GPC5: variants seen among roughly 807,000 people sequenced by gnomAD.
GPC5 encodes the protein glypican-5.
GPC5 carries 47 observed loss-of-function variants against 53.9 expected under a neutral mutation model. That is an observed-to-expected ratio of 0.87 (90% confidence interval 0.69 to 1.11). GPC5 has a LOEUF of 1.11. Ranked by LOEUF, GPC5 falls within the 50% of genes most tolerant of loss-of-function variation. The pLI, the probability that GPC5 is intolerant of heterozygous loss-of-function variation, is 0.00. For synonymous variants in GPC5, 286 were observed against 263.3 expected, an observed-to-expected ratio of 1.09 and a Z score of -0.84; for missense variants, 748 against 713.1, an observed-to-expected ratio of 1.05 and a Z score of -0.56.
intron 1 of GPC5, among the ~76,000 whole-genome samples, chr13:91,422,382 T>C (rs1878698349): frequency 6.6e-6 from 1 of 152,160 alleles, no homozygotes; most frequent in Non-Finnish European, 1.5e-5. Flanking sequence ...ATGCCTGTAA[T>C]ACCAGTGCTT....
chr13:91,422,988 TA>T (rs1878751450), intron 1 of GPC5, among the ~76,000 whole-genome samples: 1 of 152,164 alleles, frequency 6.6e-6, no homozygotes, highest in Non-Finnish European at 1.5e-5. Context: ...ATTCAAACTA[TA>T]GCAGAAAAGC....
chr13:92,277,896 T>C (rs188841934), intron 7 of GPC5, among the ~76,000 whole-genome samples: 36 of 152,052 alleles, frequency 2.4e-4, no homozygotes, highest in African/African-American at 8.4e-4. Flanking sequence ...ATTTAGATAC[T>C]AGAAAAATAT....
intron 7 of GPC5, among the ~76,000 whole-genome samples, chr13:92,456,237 T>C (rs1272206672): frequency 6.6e-6 from 1 of 152,164 alleles, no homozygotes; most frequent in Non-Finnish European, 1.5e-5. Flanking sequence ...CTAAGGAACA[T>C]TGCCTAAAGG....
At chr13:91,498,907 G>A (rs1451556756) in intron 2 of GPC5, among the ~76,000 whole-genome samples, 1 of 151,964 alleles carries the variant, frequency 6.6e-6, no homozygotes, top group Non-Finnish European at 1.5e-5. Flanking sequence ...GGAGGCAGAG[G>A]TTGCAGTGAG....
At chr13:91,872,692 A>G (rs571355137) in intron 5 of GPC5, among the ~76,000 whole-genome samples, 259 of 152,306 alleles carry the variant, frequency 1.7e-3, no homozygotes, top group African/African-American at 6.0e-3. Flanking sequence ...CATATATAGT[A>G]TAACTTACCT....
intron 7 of GPC5, among the ~76,000 whole-genome samples, chr13:92,439,544 A>C (rs1025133653): frequency 6.6e-6 from 1 of 152,178 alleles, no homozygotes; most frequent in African/African-American, 2.4e-5. Context: ...TTGACAATAG[A>C]AGGGAATTTG....
At chr13:92,588,223 G>A (rs914330668) in intron 7 of GPC5, among the ~76,000 whole-genome samples, 6 of 152,256 alleles carry the variant, frequency 3.9e-5, no homozygotes, top group African/African-American at 1.2e-4. Flanking sequence ...ATGGTTTCCA[G>A]CTTCATCCAT....
At chr13:92,276,998 T>C (rs1566515158) in intron 7 of GPC5, among the ~76,000 whole-genome samples, 1 of 151,840 alleles carries the variant, frequency 6.6e-6, no homozygotes, top group Admixed American at 6.6e-5. Context: ...CTCTCTCTCT[T>C]TTTTTTTCTT....
intron 1 of GPC5, among the ~76,000 whole-genome samples, chr13:91,422,921 C>T (rs1279489297): frequency 6.6e-6 from 1 of 152,174 alleles, no homozygotes; most frequent in East Asian, 1.9e-4. Flanking sequence ...TTAAAGGCCT[C>T]ATGTCTTAAT....
chr13:92,198,583 A>T (rs2042273136), intron 7 of GPC5, among the ~76,000 whole-genome samples: 1 of 152,210 alleles, frequency 6.6e-6, no homozygotes, highest in Non-Finnish European at 1.5e-5. Context: ...GCAGACTGGC[A>T]GTGAGTAAAG....
chr13:91,923,338 A>T (rs903023950), intron 6 of GPC5, among the ~76,000 whole-genome samples: 1 of 152,160 alleles, frequency 6.6e-6, no homozygotes, highest in Non-Finnish European at 1.5e-5. Flanking sequence ...CAATTCCTGG[A>T]TATATTTCTT....
intron 7 of GPC5, among the ~76,000 whole-genome samples, chr13:92,685,396 G>A (rs1219249914): frequency 6.6e-6 from 1 of 151,848 alleles, no homozygotes; most frequent in Non-Finnish European, 1.5e-5. Context: ...TAGCCAGCCA[G>A]ATCTAATATT....
At chr13:91,399,469 A>T (rs1214153567) in intron 1 of GPC5, among the ~76,000 whole-genome samples, 2 of 152,152 alleles carry the variant, frequency 1.3e-5, no homozygotes, top group East Asian at 3.9e-4. Flanking sequence ...TTCGTCTTGG[A>T]GGATGAGTTG....
chr13:91,745,693 TG>T (rs1166882024), intron 4 of GPC5, among the ~76,000 whole-genome samples: 3 of 152,068 alleles, frequency 2.0e-5, no homozygotes, highest in Non-Finnish European at 4.4e-5. Context: ...TGAGTTCAGG[TG>T]GGGTTCAGAG....
rs147618165 is a variant in GPC5 at position 92,607,982 on chromosome 13, C to A, written c.1562-258300C>A. Among the ~76,000 whole-genome samples the A allele has an allele frequency of 5.8e-4, 88 of 152,282 alleles. No individual in the cohort carries two copies. In the East Asian group the frequency reaches 0.016, roughly 27 times the overall value. The stretch of plus-strand genomic sequence containing the variant: ...GAAGACCTTTATAACTATCTACTTC[C>A]ACTTAATGAATAGTAAATATATTTC... On this transcript the variant is annotated intron_variant, in intron 7 of 7. Coordinates refer to ENST00000377067, the MANE Select transcript of GPC5 (RefSeq NM_004466.6).
intron 5 of GPC5, among the ~76,000 whole-genome samples, chr13:91,847,199 G>A (rs1241900135): frequency 1.6e-5 from 2 of 122,258 alleles, no homozygotes; most frequent in East Asian, 2.6e-4. Context: ...AAGCCTGGGC[G>A]ACAGAGCAAG....
At chr13:91,863,906 A>G (rs544767912) in intron 5 of GPC5, among the ~76,000 whole-genome samples, 4 of 152,360 alleles carry the variant, frequency 2.6e-5, no homozygotes, top group South Asian at 4.1e-4. Context: ...GATGAAATAC[A>G]TAATTGAGTT....
chr13:91,781,278 CAG>C (rs1378773578), intron 5 of GPC5, among the ~76,000 whole-genome samples: 3 of 152,186 alleles, frequency 2.0e-5, no homozygotes, highest in African/African-American at 7.2e-5. Flanking sequence ...CACTGGCTTC[CAG>C]TTTGAAAGAA....
chr13:91,603,423 G>A (rs185502020), intron 2 of GPC5, among the ~76,000 whole-genome samples: 311 of 152,322 alleles, frequency 2.0e-3, no homozygotes, highest in African/African-American at 7.1e-3. Flanking sequence ...ATTAGTGAAT[G>A]ACAAACACCA....
Sources: allele counts gnomAD v4.1 joint callset (sites outside exome capture counted in the v4.1 genomes callset), GRCh38; gene constraint gnomAD v4.1.1; transcripts MANE v1.5; gene names NCBI Gene and HGNC (gene_info 2026-07-23, HGNC 2026-07-21).